The following TMEM132D variants were observed in gnomAD, a reference collection of about 807,000 sequenced individuals.
TMEM132D encodes mature OL transmembrane protein.
TMEM132D carries 21 observed loss-of-function variants against 62.3 expected under a neutral mutation model. That is an observed-to-expected ratio of 0.34 (90% CI 0.24 to 0.49). TMEM132D has a LOEUF of 0.49. TMEM132D is among the 20% of genes least tolerant of loss of function. The probability of loss-of-function intolerance (pLI) is 0.99; values close to 1 mark genes in which losing one functional copy is unlikely to be tolerated. For synonymous variants in TMEM132D, 621 were observed against 575.6 expected (o/e 1.08, Z -1.13); for missense variants, 1,346 against 1,402.8 (o/e 0.96, Z 0.65).
intron 4 of TMEM132D, among the ~76,000 whole-genome samples, chr12:129,214,440 C>T (rs1323613650): frequency 1.3e-5 from 2 of 152,176 alleles, no homozygotes; most frequent in Non-Finnish European, 2.9e-5. Flanking sequence ...TTTTAAACAT[C>T]TTAAGAGATT....
intron 1 of TMEM132D, among the ~76,000 whole-genome samples, chr12:129,764,359 T>C (rs1870482202): frequency 6.6e-6 from 1 of 152,160 alleles, no homozygotes; most frequent in African/African-American, 2.4e-5. Context: ...GACAATATTA[T>C]AGTAGGGTTA....
At chr12:129,380,167 C>T (rs1870897014) in intron 3 of TMEM132D, among the ~76,000 whole-genome samples, 1 of 152,052 alleles carries the variant, frequency 6.6e-6, no homozygotes. Context: ...GTAATAACAA[C>T]ATCCATTTAC....
chr12:129,656,155 A>G (rs761027614), intron 2 of TMEM132D, among the ~76,000 whole-genome samples: 4 of 152,186 alleles, frequency 2.6e-5, no homozygotes, highest in Non-Finnish European at 5.9e-5. Flanking sequence ...AACATGCCCT[A>G]TGATAAGATT....
chr12:129,527,560 T>G, intron 3 of TMEM132D, among the ~76,000 whole-genome samples: 1 of 152,164 alleles, frequency 6.6e-6, no homozygotes, highest in East Asian at 1.9e-4. Context: ...GTTTTTCTCA[T>G]TCAAGTATAC....
At chr12:129,645,495 G>A (rs1277666901) in intron 2 of TMEM132D, among the ~76,000 whole-genome samples, 1 of 152,184 alleles carries the variant, frequency 6.6e-6, no homozygotes, top group African/African-American at 2.4e-5. Context: ...TCTGTCTTAT[G>A]TCGGTGATTT....
intron 1 of TMEM132D, among the ~76,000 whole-genome samples, chr12:129,878,666 T>C (rs1335354990): frequency 6.6e-6 from 1 of 151,168 alleles, no homozygotes; most frequent in Non-Finnish European, 1.5e-5. Flanking sequence ...AACCTCCACC[T>C]CCCGGGTTCA....
intron 3 of TMEM132D, among the ~76,000 whole-genome samples, chr12:129,487,277 G>T (rs1482545742): frequency 6.6e-6 from 1 of 152,234 alleles, no homozygotes; most frequent in African/African-American, 2.4e-5. Flanking sequence ...ACAGAGGCAG[G>T]TGTGGCTGGA....
At chr12:129,794,066 A>T (rs976114527) in intron 1 of TMEM132D, among the ~76,000 whole-genome samples, 3 of 146,682 alleles carry the variant, frequency 2.0e-5, no homozygotes, top group Non-Finnish European at 4.5e-5. Context: ...ATTTTTTTTT[A>T]AGTGTATGGG....
intron 3 of TMEM132D, among the ~76,000 whole-genome samples, chr12:129,434,858 A>C (rs966486462): frequency 6.6e-6 from 1 of 152,116 alleles, no homozygotes; most frequent in Admixed American, 6.6e-5. Context: ...TGAAATATAC[A>C]CTACACTATT....
chr12:129,199,144 C>G (rs983945875), intron 5 of TMEM132D, among the ~76,000 whole-genome samples: 1 of 129,980 alleles, frequency 7.7e-6, no homozygotes, highest in East Asian at 2.3e-4. Flanking sequence ...GGGTCTCGCT[C>G]TGTCATCCAG....
chr12:129,465,872 G>A (rs557068426), intron 3 of TMEM132D, among the ~76,000 whole-genome samples: 5 of 152,162 alleles, frequency 3.3e-5, no homozygotes, highest in African/African-American at 9.6e-5. Flanking sequence ...TAGTAGAGAT[G>A]GGGTTTCACC....
chr12:129,209,444 G>T, intron 5 of TMEM132D, 76 bp downstream of exon 5: 1 of 1,574,712 alleles, frequency 6.4e-7, no homozygotes, highest in Non-Finnish European at 8.7e-7. Context: ...AGGTCCCAGA[G>T]GTCCCAAGCT....
intron 2 of TMEM132D, among the ~76,000 whole-genome samples, chr12:129,628,956 A>C: frequency 1.4e-5 from 2 of 141,040 alleles, no homozygotes; most frequent in Non-Finnish European, 1.5e-5. Flanking sequence ...TTTCTCTCTC[A>C]TGTCTTTTTC....
chr12:129,626,133 T>G (rs969934105), intron 2 of TMEM132D, among the ~76,000 whole-genome samples: 7 of 151,810 alleles, frequency 4.6e-5, no homozygotes, highest in African/African-American at 1.5e-4. Context: ...TGAAAAACAC[T>G]GGATCAATAA....
intron 1 of TMEM132D, among the ~76,000 whole-genome samples, chr12:129,727,205 G>T (rs1869065352): frequency 6.6e-6 from 1 of 152,166 alleles, no homozygotes; most frequent in Admixed American, 6.5e-5. Context: ...CCATACACTG[G>T]GAATCTGTAA....
intron 5 of TMEM132D, among the ~76,000 whole-genome samples, chr12:129,209,273 G>A (rs1878952992): frequency 2.0e-5 from 3 of 152,170 alleles, no homozygotes; most frequent in Admixed American, 2.0e-4. Context: ...AGGGCATTCG[G>A]CGAACACAGA....
chr12:129,353,518 G>GGTA (rs1332905768), intron 3 of TMEM132D, among the ~76,000 whole-genome samples: 3 of 152,048 alleles, frequency 2.0e-5, no homozygotes, highest in Admixed American at 1.3e-4. Context: ...GAGTCAAATA[G>GGTA]GTAGCTATCA....
chr12:129,835,336 G>A (rs1872971196), intron 1 of TMEM132D, among the ~76,000 whole-genome samples: 1 of 152,108 alleles, frequency 6.6e-6, no homozygotes, highest in South Asian at 2.1e-4. Flanking sequence ...TGTCACCCAG[G>A]CTGAAGTGCA....
chr12:129,209,717 C>T (rs564421998), intron 4 of TMEM132D, 54 bp from the exon 5 acceptor site: 142 of 1,601,372 alleles, frequency 8.9e-5, no homozygotes, highest in East Asian at 6.7e-5. Flanking sequence ...CGGCCCAGTC[C>T]CTGGGAGTAT....
Sources: allele counts gnomAD v4.1 joint callset (sites outside exome capture counted in the v4.1 genomes callset), GRCh38; gene constraint gnomAD v4.1.1; transcripts MANE v1.5; gene names NCBI Gene and HGNC (gene_info 2026-07-23, HGNC 2026-07-21).